The following CLRN3 variants were observed in gnomAD, a reference collection of about 807,000 sequenced individuals.
CLRN3 encodes clarin 3.
CLRN3 carries 12 observed loss-of-function variants against 16.7 expected under a neutral mutation model. The ratio of observed to expected loss-of-function variants is 0.72; its 90% CI spans 0.46 to 1.16. The LOEUF is 1.16. Ranked by LOEUF, CLRN3 falls within the 50% of genes most tolerant of loss-of-function variation. The pLI is 0.00. For synonymous variants in CLRN3, 118 were observed against 113.0 expected, an observed-to-expected ratio of 1.04 and a Z score of -0.28; for missense variants, 296 against 274.2, an observed-to-expected ratio of 1.08 and a Z score of -0.56.
intron 2 of CLRN3, among the ~76,000 whole-genome samples, chr10:127,881,488 G>A (rs1247376144): frequency 6.6e-5 from 10 of 152,172 alleles, no homozygotes; most frequent in Non-Finnish European, 7.3e-5. Context: ...TTCGGCCGGC[G>A]CCACACCTGG....
chr10:127,883,424 T>G (rs555963227), intron 2 of CLRN3, among the ~76,000 whole-genome samples: 1 of 152,326 alleles, frequency 6.6e-6, no homozygotes, highest in East Asian at 1.9e-4. Context: ...TTTTGTGCAT[T>G]TTGACTTCTT....
intron 2 of CLRN3, among the ~76,000 whole-genome samples, chr10:127,883,103 C>T (rs1024157759): frequency 6.6e-6 from 1 of 152,214 alleles, no homozygotes; most frequent in Non-Finnish European, 1.5e-5. Context: ...CCCAGCAACA[C>T]CCCAGGCTCA....
At chr10:127,891,999 GA>G (rs35355661) in intron 1 of CLRN3, among the ~76,000 whole-genome samples, 77,025 of 150,768 alleles carry the variant, frequency 0.51, 20,853 homozygotes, top group African/African-American at 0.7. Flanking sequence ...TAAGAAATCA[GA>G]AAAAAAAATG....
At chr10:127,882,816 G>T (rs749656862) in intron 2 of CLRN3, among the ~76,000 whole-genome samples, 21 of 152,184 alleles carry the variant, frequency 1.4e-4, no homozygotes, top group Non-Finnish European at 1.8e-4. Context: ...ATTTCCTTAG[G>T]ACAGGCTTCA....
intron 1 of CLRN3, 119 bp from the exon 2 acceptor site, chr10:127,883,994 G>C (rs1464007738): frequency 6.7e-6 from 6 of 894,086 alleles, no homozygotes; most frequent in African/African-American, 6.6e-5. Context: ...GTCAGTTAGA[G>C]ATACCAGGAG....
intron 1 of CLRN3, among the ~76,000 whole-genome samples, chr10:127,892,303 A>G (rs1467163370): frequency 1.3e-5 from 2 of 152,216 alleles, no homozygotes; most frequent in South Asian, 2.1e-4. Context: ...TTGTCAGTCA[A>G]CTTGGTAGGT....
At chr10:127,878,556 A>G (rs1845089056) in intron 2 of CLRN3, 136 bp from the exon 3 acceptor site, 2 of 1,271,606 alleles carry the variant, frequency 1.6e-6, no homozygotes, top group African/African-American at 3.0e-5. Flanking sequence ...ACTAGGGAGA[A>G]GGTACAAAAT....
intron 1 of CLRN3, among the ~76,000 whole-genome samples, chr10:127,890,703 G>T (rs1038467603): frequency 3.3e-5 from 5 of 152,062 alleles, no homozygotes; most frequent in Non-Finnish European, 4.4e-5. Context: ...AAGTGACCAC[G>T]AGAAACCACA....
intron 1 of CLRN3, among the ~76,000 whole-genome samples, chr10:127,891,518 C>T (rs1309367911): frequency 6.6e-6 from 1 of 152,192 alleles, no homozygotes; most frequent in East Asian, 1.9e-4. Flanking sequence ...GAGGAGATGT[C>T]CCTGAAAGGC....
chr10:127,883,870 C>T lies in CLRN3; in HGVS notation c.235G>A (p.Glu79Lys), dbSNP rs1295154876. 1.9e-6 allele frequency: 3 copies of T among 1,614,004 alleles called. No homozygotes were observed. Among genetic ancestry groups the T allele is most frequent in the African/African-American group, 1.3e-5 (1 of 74,930 alleles). ...AEPKKKFAVLEILNNSSQKTL... is the reference protein window; with the variant it reads ...AEPKKKFAVLKILNNSSQKTL... ...TTTTGGGAAGAATTATTCAGTATCT[C>T]TAAAACTAAAACAATGTTTTGTGAG... The change falls in exon 2 of 3, where the codon GAG becomes AAG. Residue 79 changes from glutamate to lysine, a missense_variant. By Grantham distance (56) the Glu-to-Lys change is moderately conservative. Transcript: ENST00000368671.
intron 2 of CLRN3, among the ~76,000 whole-genome samples, chr10:127,883,462 G>T (rs1190830483): frequency 1.3e-5 from 2 of 152,156 alleles, no homozygotes; most frequent in East Asian, 1.9e-4. Flanking sequence ...GCAAAGCCTG[G>T]CTTGTTATAA....
Position 127,877,873 on chromosome 10 carries a change from C to A in CLRN3, c.*276G>T. ...AACATGACACAGCCTTTTATTATTT[C>A]AGATCGTGAGACCAGGTCAGAAGGG... On this transcript the variant is annotated 3_prime_UTR_variant, in exon 3 of 3. Transcript: ENST00000368671. 2.6e-6 allele frequency: 1 copy of A among 388,152 alleles called. No individual in the cohort carries two copies. The highest frequency in any genetic ancestry group is 4.7e-6 in the Non-Finnish European group (1 of 210,582). 24.0% of individuals were successfully genotyped at this position (388,152 alleles called of 1,614,324 possible).
chr10:127,885,747 A>G (rs1186867277), intron 1 of CLRN3, among the ~76,000 whole-genome samples: 1 of 152,050 alleles, frequency 6.6e-6, no homozygotes, highest in Non-Finnish European at 1.5e-5. Flanking sequence ...GACCACGCTC[A>G]GCTAATTTTT....
intron 2 of CLRN3, 47 bp downstream of exon 2, chr10:127,883,649 C>T (rs374289187): frequency 4.5e-6 from 6 of 1,328,732 alleles, no homozygotes; most frequent in African/African-American, 1.4e-5. Flanking sequence ...TGGGGACAAG[C>T]GGGATGCAGT....
chr10:127,880,873 A>C (rs903158957), intron 2 of CLRN3, among the ~76,000 whole-genome samples: 1 of 152,200 alleles, frequency 6.6e-6, no homozygotes, highest in Non-Finnish European at 1.5e-5. Flanking sequence ...CAGTCTGATC[A>C]TGCTGTCCCA....
chr10:127,888,446 A>G (rs1036528060), intron 1 of CLRN3, among the ~76,000 whole-genome samples: 2 of 152,228 alleles, frequency 1.3e-5, no homozygotes, highest in African/African-American at 2.4e-5. Context: ...TGGACAGGGT[A>G]GGAGTAGTAA....
chr10:127,877,948 G>A lies in CLRN3; in HGVS notation c.*201C>T, dbSNP rs182026046. 415 of 602,516 alleles carry A rather than the reference G, an allele frequency of 6.9e-4. No homozygotes were observed. Among genetic ancestry groups the A allele is most frequent in the Middle Eastern group, 9.2e-4 (2 of 2,178 alleles). The allele number at this position is 602,516 out of a possible 1,614,324, so 37.3% of individuals were successfully genotyped here. Reference sequence around the variant, plus strand: ...TGCTTTGAATACCACACAGACCAGCGACATTTCCCATTCATTTCCCCAACC... The same window carrying A: ...TGCTTTGAATACCACACAGACCAGCAACATTTCCCATTCATTTCCCCAACC... On this transcript the variant is annotated 3_prime_UTR_variant, in exon 3 of 3. Transcript: ENST00000368671.
chr10:127,890,161 C>A (rs1845242697), intron 1 of CLRN3, among the ~76,000 whole-genome samples: 1 of 152,252 alleles, frequency 6.6e-6, no homozygotes, highest in African/African-American at 2.4e-5. Flanking sequence ...GCCCCTTATA[C>A]ATGCAGCAGC....
At chr10:127,889,838 A>C (rs1845239162) in intron 1 of CLRN3, among the ~76,000 whole-genome samples, 1 of 152,130 alleles carries the variant, frequency 6.6e-6, no homozygotes, top group Admixed American at 6.5e-5. Flanking sequence ...CCCTGACCAC[A>C]TTTTCAAAAC....
Sources: gnomAD v4.1 joint callset for allele counts (sites outside exome capture counted in the v4.1 genomes callset) on GRCh38, gnomAD v4.1.1 for gene constraint, MANE v1.5 for transcripts, NCBI Gene and HGNC (gene_info 2026-07-23, HGNC 2026-07-21) for gene names.